Variants in SPTLC2 observed in about 807,000 individuals in gnomAD.
SPTLC2 encodes the protein serine palmitoyltransferase long chain base subunit 2.
A neutral mutation model predicts 62.0 loss-of-function variants in SPTLC2; 21 were observed. The ratio of observed to expected loss-of-function variants is 0.34; its 90% CI spans 0.24 to 0.49. SPTLC2 has a LOEUF of 0.49. Ranked by LOEUF, SPTLC2 falls within the 20% of genes least tolerant of loss-of-function variation. The pLI, the probability that SPTLC2 is intolerant of heterozygous loss-of-function variation, is 0.99. For missense variants in SPTLC2, 511 were observed against 713.0 expected, an observed-to-expected ratio of 0.72 and a Z score of 3.23; for synonymous variants, 261 against 261.8, an observed-to-expected ratio of 1.00 and a Z score of 0.03.
At position 77,508,713 on chromosome 14, in the gene SPTLC2, T is replaced by C. The variant is rs1259082511; in HGVS notation, c.*3571A>G. 6.6e-6 allele frequency: 1 copy of C among 152,174 alleles called. No homozygotes were observed. Among genetic ancestry groups the C allele is most frequent in the Non-Finnish European group, 1.5e-5 (1 of 68,038 alleles). The allele number at this position is 152,174 out of a possible 1,614,324, so 9.4% of individuals were successfully genotyped here. On this transcript the variant is annotated 3_prime_UTR_variant, in exon 12 of 12. Coordinates refer to ENST00000216484, the MANE Select transcript of SPTLC2 (RefSeq NM_004863.4). Reference sequence around the variant, plus strand: ...CAGCTAGGCTGAACTAGTTGAGAAATTTAGATGCAGGCTCCCTTAGGTAAT... The same window carrying C: ...CAGCTAGGCTGAACTAGTTGAGAAACTTAGATGCAGGCTCCCTTAGGTAAT...
intron 10 of SPTLC2, among the ~76,000 whole-genome samples, chr14:77,519,279 C>G (rs1446970037): frequency 6.6e-6 from 1 of 152,076 alleles, no homozygotes; most frequent in East Asian, 1.9e-4. Flanking sequence ...ACCTTGTGAT[C>G]CACCCACCTC....
rs986031742 is a variant in SPTLC2, at chr14:77,509,649, A to T, written c.*2635T>A. 5.4e-6 allele frequency: 2 copies of T among 371,420 alleles called. No homozygotes were observed. Among genetic ancestry groups the T allele is most frequent in the Non-Finnish European group, 9.5e-6 (2 of 209,528 alleles). 23.0% of individuals were successfully genotyped at this position (371,420 alleles called of 1,614,324 possible). Reference sequence around the variant, plus strand: ...CGACTTATTCTCAATGACTGTATTTATATATACTTGTATTCCTCCAAGTAC... The same window carrying T: ...CGACTTATTCTCAATGACTGTATTTTTATATACTTGTATTCCTCCAAGTAC... On this transcript the variant is annotated 3_prime_UTR_variant, in exon 12 of 12. Transcript: ENST00000216484.
chr14:77,539,134 G>A (rs889103626), intron 9 of SPTLC2, among the ~76,000 whole-genome samples: 1 of 147,182 alleles, frequency 6.8e-6, no homozygotes, highest in Non-Finnish European at 1.5e-5. Context: ...ATTTACATAT[G>A]TAAGATCATT....
At position 77,531,507 on chromosome 14, in the gene SPTLC2, C is replaced by CTCCTCCTCCTCCTCT. The variant is rs1438238047; in HGVS notation, c.1304-9927_1304-9926insAGAGGAGGAGGAGGA. Among the ~76,000 whole-genome samples, 6 of 65,400 alleles carry CTCCTCCTCCTCCTCT rather than the reference C, an allele frequency of 9.2e-5. No individual in the cohort carries two copies. In the East Asian group the frequency reaches 2.1e-3, roughly 22 times the overall value. 42.9% of individuals were successfully genotyped at this position (65,400 alleles called of 152,430 possible). On this transcript the variant is annotated intron_variant, in intron 9 of 11. Transcript: ENST00000216484. ...CCTCCTCCTCCTCCTCCTCCTCCTCCTCTTCTTCTTCTTCTTCTTTTTTGT... is the reference window on the plus strand; with the variant it reads ...CCTCCTCCTCCTCCTCCTCCTCCTCCTCCTCCTCCTCCTCTTCTTCTTCTTCTTCTTCTTTTTTGT...
At chr14:77,556,964 A>T in intron 7 of SPTLC2, 77 bp downstream of exon 7, 1 of 1,158,226 alleles carries the variant, frequency 8.6e-7, no homozygotes. Context: ...GGGATAGACT[A>T]ATGTTCCCTT....
intron 9 of SPTLC2, among the ~76,000 whole-genome samples, chr14:77,543,999 G>A (rs1300977922): frequency 1.3e-5 from 2 of 151,900 alleles, no homozygotes; most frequent in Admixed American, 1.3e-4. Flanking sequence ...AAGTTAAAAG[G>A]AAAAAAAGAG....
chr14:77,558,589 G>T (rs1193788837), intron 6 of SPTLC2, among the ~76,000 whole-genome samples: 1 of 151,508 alleles, frequency 6.6e-6, no homozygotes, highest in African/African-American at 2.4e-5. Context: ...CCCTACAGAA[G>T]TAAATTACGT....
intron 2 of SPTLC2, among the ~76,000 whole-genome samples, chr14:77,588,381 G>C (rs1189565664): frequency 1.3e-5 from 2 of 152,114 alleles, no homozygotes; most frequent in Non-Finnish European, 2.9e-5. Flanking sequence ...GTTGAAAATG[G>C]AGTCATCACA....
chr14:77,557,072 T>C lies in SPTLC2; in HGVS notation c.925A>G (p.Lys309Glu). ...GQPRTRRPWKKILILVEGIYS... is the reference protein window; with the variant it reads ...GQPRTRRPWKEILILVEGIYS... ...ATTCCTTCCACAAGGATGAGAATTT[T>C]CTTCCAGGGCCTTCGTGTCCGAGGC... The change falls in exon 7 of 12, where the codon AAA becomes GAA. Residue 309 changes from lysine to glutamate, a missense_variant. Physicochemically the swap from Lys to Glu is moderately conservative, Grantham distance 56. Coordinates refer to ENST00000216484, the MANE Select transcript of SPTLC2 (RefSeq NM_004863.4). The C allele has an allele frequency of 6.2e-7, 1 of 1,614,064 alleles. No individual in the cohort carries two copies. The highest frequency in any genetic ancestry group is 1.1e-5 in the South Asian group (1 of 91,088).
At chr14:77,535,844 T>G in intron 9 of SPTLC2, 1 of 388,208 alleles carries the variant, frequency 2.6e-6, no homozygotes, top group South Asian at 1.9e-5. Flanking sequence ...GACAGAAATC[T>G]AAGTCAAGTA....
chr14:77,571,050 C>T (rs1232554648), intron 4 of SPTLC2, among the ~76,000 whole-genome samples: 1 of 152,148 alleles, frequency 6.6e-6, no homozygotes, highest in Non-Finnish European at 1.5e-5. Context: ...TGAGTTAAGA[C>T]ATCTTGGATA....
intron 2 of SPTLC2, among the ~76,000 whole-genome samples, chr14:77,586,731 G>C (rs2079783756): frequency 6.6e-6 from 1 of 152,094 alleles, no homozygotes; most frequent in Admixed American, 6.6e-5. Flanking sequence ...AAACCCAGTA[G>C]AAAAACGGAC....
chr14:77,549,484 G>A (rs2079545274), intron 9 of SPTLC2, among the ~76,000 whole-genome samples: 1 of 152,176 alleles, frequency 6.6e-6, no homozygotes, highest in South Asian at 2.1e-4. Context: ...CTGGTCAACA[G>A]CCTCAGCTGA....
chr14:77,600,924 A>G (rs1342663016), intron 1 of SPTLC2, among the ~76,000 whole-genome samples: 2 of 152,228 alleles, frequency 1.3e-5, no homozygotes, highest in Non-Finnish European at 2.9e-5. Flanking sequence ...ATGTTTATTA[A>G]GCAGCTGAAA....
chr14:77,598,137 A>G (rs1211262739), intron 1 of SPTLC2, among the ~76,000 whole-genome samples: 5 of 151,850 alleles, frequency 3.3e-5, no homozygotes, highest in Non-Finnish European at 7.4e-5. Context: ...AAAAAAAAAA[A>G]AAGAATTTTG....
chr14:77,536,130 A>T (rs1264151877), intron 9 of SPTLC2: 1 of 360,000 alleles, frequency 2.8e-6, no homozygotes, highest in Non-Finnish European at 5.4e-6. Context: ...TTTGAAATGC[A>T]GTAGGTCAAG....
chr14:77,583,244 T>TAAATAAA (rs2079763002), intron 2 of SPTLC2, among the ~76,000 whole-genome samples: 1 of 103,290 alleles, frequency 9.7e-6, no homozygotes. Flanking sequence ...TAAATAAAAA[T>TAAATAAA]AATAATTTTA....
chr14:77,591,730 G>GTATGTATGTATGTATTTATTTATT (rs372095112), intron 2 of SPTLC2, among the ~76,000 whole-genome samples: 7 of 131,174 alleles, frequency 5.3e-5, no homozygotes, highest in African/African-American at 1.4e-4. Flanking sequence ...ATGTATGTAT[G>GTATGTATGTATGTATTTATTTATT]TATTTATTTT....
At chr14:77,531,481 CCCTCCT>C (rs1219084054) in intron 9 of SPTLC2, among the ~76,000 whole-genome samples, 3 of 90,286 alleles carry the variant, frequency 3.3e-5, no homozygotes, top group African/African-American at 1.0e-4. Flanking sequence ...CTCCCCCTCC[CCCTCCT>C]CCTCCTCCTC....
Sources: allele counts gnomAD v4.1 joint callset (sites outside exome capture counted in the v4.1 genomes callset), GRCh38; gene constraint gnomAD v4.1.1; transcripts MANE v1.5; gene names NCBI Gene and HGNC (gene_info 2026-07-23, HGNC 2026-07-21).